The following TMTC4 variants were observed in gnomAD, a reference collection of about 807,000 sequenced individuals.
The protein encoded by TMTC4 is protein O-mannosyl-transferase TMTC4.
Under a neutral mutation model 86.0 loss-of-function variants are expected in TMTC4, and 65 were observed. The observed-to-expected ratio is 0.76, with a 90% CI of 0.62 to 0.93. The LOEUF is 0.93. TMTC4 is among the 40% of genes least tolerant of loss of function. The pLI, the probability that TMTC4 is intolerant of heterozygous loss-of-function variation, is 0.00. For missense variants in TMTC4, 866 were observed against 948.1 expected (o/e 0.91, Z 1.14); for synonymous variants, 379 against 382.5 (o/e 0.99, Z 0.11).
chr13:100,644,137 ACT>A (rs1279395529), intron 6 of TMTC4, among the ~76,000 whole-genome samples: 1 of 122,514 alleles, frequency 8.2e-6, no homozygotes, highest in Non-Finnish European at 1.6e-5. Context: ...ACAGAGTCTC[ACT>A]CTGTCGCCCA....
In TMTC4 at chr13:100,668,702, T is replaced by A. The variant is rs755788117; in HGVS notation, c.96A>T (p.Pro32=). ...CCCAGAATGGAGGAAGAACAGAAGA[T>A]GGAAGAATGTGATCCAAATCAGTGT... ...VLDTDLDHIL[P]SSVLPPFWAK... The change falls in exon 3 of 19, where the codon CCA becomes CCT. Residue 32 remains proline (P), a synonymous_variant. Coordinates refer to ENST00000342624, the MANE Select transcript of TMTC4 (RefSeq NM_032813.5). 6.2e-7 allele frequency: 1 copy of A among 1,614,228 alleles called. No homozygotes were observed.
intron 5 of TMTC4, among the ~76,000 whole-genome samples, chr13:100,659,052 C>G (rs1453120820): frequency 6.6e-6 from 1 of 151,896 alleles, no homozygotes; most frequent in South Asian, 2.1e-4. Context: ...TATTTTTTTT[C>G]TCACAAATAC....
intron 6 of TMTC4, among the ~76,000 whole-genome samples, chr13:100,649,511 C>T (rs1884158480): frequency 6.6e-6 from 1 of 152,048 alleles, no homozygotes; most frequent in Non-Finnish European, 1.5e-5. Context: ...TAATAGTAGG[C>T]CACTTTGCAT....
intron 9 of TMTC4, 43 bp from the exon 10 acceptor site, chr13:100,636,777 T>G: frequency 6.2e-7 from 1 of 1,604,196 alleles, no homozygotes; most frequent in Non-Finnish European, 8.5e-7. Flanking sequence ...GATACTGAAC[T>G]TAAAAAACAC....
chr13:100,619,201 G>A (rs1829436589), intron 15 of TMTC4, among the ~76,000 whole-genome samples: 2 of 152,158 alleles, frequency 1.3e-5, no homozygotes, highest in African/African-American at 4.8e-5. Flanking sequence ...GGATGGGGCG[G>A]CCGGCCGGGC....
chr13:100,638,111 G>T, intron 7 of TMTC4, 89 bp from the exon 8 acceptor site: 2 of 964,600 alleles, frequency 2.1e-6, no homozygotes, highest in Non-Finnish European at 3.2e-6. Context: ...ACTCAATCTA[G>T]ACAAGGAACA....
At chr13:100,657,907 G>A (rs1885301019) in intron 5 of TMTC4, among the ~76,000 whole-genome samples, 1 of 152,172 alleles carries the variant, frequency 6.6e-6, no homozygotes, top group Non-Finnish European at 1.5e-5. Context: ...CCTCCTGATG[G>A]TTGGTACGTG....
At chr13:100,668,375 G>A (rs1886651924) in intron 3 of TMTC4, 1 of 580,842 alleles carries the variant, frequency 1.7e-6, no homozygotes. Context: ...AGCTGAGGCA[G>A]GGGTTCAGAA....
chr13:100,643,630 T>C (rs1883325956), intron 6 of TMTC4, among the ~76,000 whole-genome samples: 1 of 152,274 alleles, frequency 6.6e-6, no homozygotes. Context: ...CTTTTAATCT[T>C]ACTTTTCATT....
At chr13:100,671,526 A>G (rs1200570794) in intron 1 of TMTC4, among the ~76,000 whole-genome samples, 1 of 152,152 alleles carries the variant, frequency 6.6e-6, no homozygotes, top group Non-Finnish European at 1.5e-5. Context: ...GGACCACACC[A>G]TCAACGAGAT....
chr13:100,651,252 A>T (rs776802418), intron 6 of TMTC4, among the ~76,000 whole-genome samples: 1 of 152,188 alleles, frequency 6.6e-6, no homozygotes, highest in Non-Finnish European at 1.5e-5. Flanking sequence ...ATGTGCAGAG[A>T]TGATCTGTTT....
At chr13:100,622,424 T>C (rs534082904) in intron 15 of TMTC4, among the ~76,000 whole-genome samples, 1 of 152,354 alleles carries the variant, frequency 6.6e-6, no homozygotes, top group African/African-American at 2.4e-5. Flanking sequence ...TCATCTTGAA[T>C]TGTAGCTCCC....
At chr13:100,621,571 G>A (rs1261515763) in intron 15 of TMTC4, among the ~76,000 whole-genome samples, 2 of 152,042 alleles carry the variant, frequency 1.3e-5, no homozygotes, top group Non-Finnish European at 2.9e-5. Context: ...GACTATAGGC[G>A]CCTGCCACCA....
chr13:100,606,864 C>T (rs748432926), intron 17 of TMTC4, among the ~76,000 whole-genome samples: 4 of 152,132 alleles, frequency 2.6e-5, no homozygotes, highest in African/African-American at 7.2e-5. Flanking sequence ...CACTCTGGGC[C>T]GCCCAGAAGC....
Position 100,636,521 on chromosome 13 carries a change from C to A in TMTC4, c.1202+11G>T. The A allele has an allele frequency of 6.2e-7, 1 of 1,614,108 alleles. No homozygotes were observed. The highest frequency in any genetic ancestry group is 1.1e-5 in the South Asian group (1 of 91,072). On this transcript the variant is annotated intron_variant, in intron 10 of 18. Transcript: ENST00000342624. ...CCAGCGTGGAACTTAAGATTCAGTG[C>A]TGCCTCTTACCTTCTCTTGTGGCCG... is the stretch of plus-strand genomic sequence containing the variant.
intron 1 of TMTC4, among the ~76,000 whole-genome samples, chr13:100,672,375 C>T (rs118176309): frequency 1.6e-3 from 247 of 152,316 alleles, no homozygotes; most frequent in Non-Finnish European, 2.6e-3. Context: ...CCCAACTCTC[C>T]TTCCTCCAAC....
intron 1 of TMTC4, among the ~76,000 whole-genome samples, chr13:100,672,393 G>A (rs944546220): frequency 1.3e-5 from 2 of 152,152 alleles, no homozygotes; most frequent in Admixed American, 6.5e-5. Flanking sequence ...AACACTAAAC[G>A]ACTTCTGTTC....
chr13:100,665,314 G>C (rs569837594), intron 3 of TMTC4, among the ~76,000 whole-genome samples: 1 of 152,332 alleles, frequency 6.6e-6, no homozygotes, highest in South Asian at 2.1e-4. Flanking sequence ...TAATTAAACA[G>C]GAGTGTTTTA....
intron 15 of TMTC4, among the ~76,000 whole-genome samples, chr13:100,618,451 CTTGTTTTT>C (rs1409465700): frequency 1.7e-4 from 14 of 82,436 alleles, no homozygotes; most frequent in African/African-American, 4.7e-4. Flanking sequence ...TTTGTTGCTT[CTTGTTTTT>C]TTTTTTTTTT....
Sources: gnomAD v4.1 joint callset for allele counts (sites outside exome capture counted in the v4.1 genomes callset) on GRCh38, gnomAD v4.1.1 for gene constraint, MANE v1.5 for transcripts, NCBI Gene and HGNC (gene_info 2026-07-23, HGNC 2026-07-21) for gene names.